LRIF1: variants seen among roughly 807,000 people sequenced by gnomAD.
LRIF1 encodes ligand-dependent nuclear receptor-interacting factor 1.
LRIF1 carries 32 observed loss-of-function variants against 52.7 expected under a neutral mutation model. The observed-to-expected ratio is 0.61, with a 90% confidence interval of 0.46 to 0.82. The LOEUF (loss-of-function observed/expected upper bound fraction) is 0.82, where lower values mean the gene tolerates loss of function less well. LRIF1 is among the 40% of genes least tolerant of loss of function. The probability of loss-of-function intolerance (pLI) is 0.00; values close to 1 mark genes in which losing one functional copy is unlikely to be tolerated. For synonymous variants in LRIF1, 323 were observed against 317.4 expected, an observed-to-expected ratio of 1.02 and a Z score of -0.19; for missense variants, 887 against 892.0, an observed-to-expected ratio of 0.99 and a Z score of 0.07.
the LRIF1 span, among the ~76,000 whole-genome samples, chr1:110,903,035 C>T: frequency 6.6e-6 from 1 of 152,162 alleles, no homozygotes; most frequent in African/African-American, 2.4e-5. Context: ...GGAAACTGGA[C>T]CAAACTCTGC....
At chr1:110,955,898 GAGA>G (rs935475364) in intron 1 of LRIF1, among the ~76,000 whole-genome samples, 3 of 152,206 alleles carry the variant, frequency 2.0e-5, no homozygotes, top group Admixed American at 1.3e-4. Context: ...GATACACAAT[GAGA>G]AGGAGGCAGG....
the LRIF1 span, among the ~76,000 whole-genome samples, chr1:110,932,987 A>G: frequency 6.6e-6 from 1 of 152,170 alleles, no homozygotes; most frequent in East Asian, 1.9e-4. Context: ...TCAGTCTCAT[A>G]TTGGTATAGA....
At chr1:110,946,816 C>T (rs1407074669), downstream of LRIF1, among the ~76,000 whole-genome samples, 1 of 151,906 alleles carries the variant, frequency 6.6e-6, no homozygotes. Flanking sequence ...GCCACTGTGC[C>T]CGACTAATTT....
chr1:110,959,922 T>C (rs1410744490), intron 1 of LRIF1, among the ~76,000 whole-genome samples: 1 of 151,982 alleles, frequency 6.6e-6, no homozygotes, highest in Admixed American at 6.6e-5. Flanking sequence ...TTTTGCAAAA[T>C]ATATTTTTTT....
the LRIF1 span, among the ~76,000 whole-genome samples, chr1:110,917,767 T>C: frequency 1.3e-5 from 2 of 151,970 alleles, no homozygotes; most frequent in Non-Finnish European, 2.9e-5. Context: ...TAAGGGGTGA[T>C]ATAGGTAAGG....
chr1:110,951,581 C>G lies in LRIF1; in HGVS notation c.1303G>C (p.Ala435Pro). The change falls in exon 2 of 4, where the codon GCT becomes CCT. Residue 435 changes from alanine (A) to proline (P), a missense_variant. Coordinates refer to ENST00000369763, the MANE Select transcript of LRIF1 (RefSeq NM_018372.4). ...TCTGCCCTTAGATTGGCCATGGAAG[C>G]AAGCTGGGTATTGGAAAGTGATTTT... ...ETKSLSNTQL[A>P]SMANLRAEKN... The G allele has an allele frequency of 1.2e-6, 2 of 1,614,092 alleles. No homozygotes were observed. Among genetic ancestry groups the G allele is most frequent in the Non-Finnish European group, 1.7e-6 (2 of 1,180,002 alleles).
chr1:110,933,694 A>G, the LRIF1 span, among the ~76,000 whole-genome samples: 3 of 152,198 alleles, frequency 2.0e-5, no homozygotes, highest in Non-Finnish European at 2.9e-5. Context: ...ACTTGAGTTA[A>G]TGCAAACCTT....
the LRIF1 span, among the ~76,000 whole-genome samples, chr1:110,927,571 G>C: frequency 2.0e-5 from 3 of 152,122 alleles, no homozygotes; most frequent in African/African-American, 7.2e-5. Flanking sequence ...AGGAGTAAGA[G>C]AAGCTGAAGA....
At chr1:110,931,971 G>C in the LRIF1 span, among the ~76,000 whole-genome samples, 1 of 152,170 alleles carries the variant, frequency 6.6e-6, no homozygotes, top group Non-Finnish European at 1.5e-5. Context: ...TTGCTGTGCA[G>C]AAGCTCTTTG....
chr1:110,953,266 A>C (rs538375529), intron 1 of LRIF1, among the ~76,000 whole-genome samples: 2 of 152,032 alleles, frequency 1.3e-5, no homozygotes, highest in South Asian at 4.1e-4. Flanking sequence ...TCTTCCTTCA[A>C]TAACTCACAA....
At chr1:110,900,537 G>T in the LRIF1 span, among the ~76,000 whole-genome samples, 27 of 151,986 alleles carry the variant, frequency 1.8e-4, no homozygotes, top group African/African-American at 5.5e-4. Context: ...TAATTTTTTT[G>T]TGTGTTTTTA....
chr1:110,963,502 G>A (rs954443645), intron 1 of LRIF1, 119 bp downstream of exon 1: 7 of 739,938 alleles, frequency 9.5e-6, no homozygotes, highest in Middle Eastern at 4.4e-4. Context: ...CGCCTGGGTG[G>A]CGCACTCTGC....
chr1:110,940,597 T>A, the LRIF1 span: 1 of 152,128 alleles, frequency 6.6e-6, no homozygotes, highest in South Asian at 2.1e-4. Flanking sequence ...TATCAACAAA[T>A]GAATGGATAA....
the LRIF1 span, among the ~76,000 whole-genome samples, chr1:110,905,047 T>C: frequency 2.6e-5 from 4 of 151,974 alleles, no homozygotes; most frequent in East Asian, 7.7e-4. Flanking sequence ...AAGAAAGAAT[T>C]AGTGAGCTTG....
At chr1:110,941,824 T>A in the LRIF1 span, 1 of 152,112 alleles carries the variant, frequency 6.6e-6, no homozygotes, top group Non-Finnish European at 1.5e-5. Context: ...CTGTACTTCA[T>A]CCTTGCTAAC....
At chr1:110,920,788 G>A in the LRIF1 span, among the ~76,000 whole-genome samples, 1 of 152,110 alleles carries the variant, frequency 6.6e-6, no homozygotes, top group Non-Finnish European at 1.5e-5. Flanking sequence ...GTGGGGAAAA[G>A]GCATATATAG....
intron 1 of LRIF1, among the ~76,000 whole-genome samples, chr1:110,956,305 A>G (rs1658699396): frequency 6.6e-6 from 1 of 152,198 alleles, no homozygotes; most frequent in African/African-American, 2.4e-5. Flanking sequence ...AGCACAGATA[A>G]AGAGAAAGCA....
chr1:110,897,774 AGAG>A, the LRIF1 span: 112 of 1,251,212 alleles, frequency 9.0e-5, no homozygotes, highest in African/African-American at 1.5e-3. Context: ...GTGGAATTAT[AGAG>A]TAGTATCATT....
Position 110,951,977 on chromosome 1 carries a change from A to T in LRIF1, c.907T>A (p.Ser303Thr). Residue 303 changes from serine to threonine, a missense_variant, in exon 2 of 4, where the codon TCT (serine) becomes ACT (threonine). Coordinates refer to ENST00000369763, the MANE Select transcript of LRIF1 (RefSeq NM_018372.4). ...TTTGAAGACTTAACAGGAACAAGAG[A>T]TGGCGTAAAAGGCTGTAGATTATCT... ...FQDNLQPFTP[S>T]LVPVKSSNNV... is the part of the protein sequence containing the mutation. The T allele has an allele frequency of 1.2e-6, 2 of 1,614,160 alleles. No individual in the cohort carries two copies. Among genetic ancestry groups the T allele is most frequent in the Non-Finnish European group, 1.7e-6 (2 of 1,180,006 alleles).
Sources: gnomAD v4.1 joint callset for allele counts (sites outside exome capture counted in the v4.1 genomes callset) on GRCh38, gnomAD v4.1.1 for gene constraint, MANE v1.5 for transcripts, NCBI Gene and HGNC (gene_info 2026-07-23, HGNC 2026-07-21) for gene names.